RBFOX1: variants seen among roughly 807,000 people sequenced by gnomAD.
The protein encoded by RBFOX1 is RNA binding fox-1 homolog 1.
RBFOX1 carries 8 observed loss-of-function variants against 57.7 expected under a neutral mutation model. That is an observed-to-expected ratio of 0.14 (90% confidence interval 0.08 to 0.25). The LOEUF is 0.25. Ranked by LOEUF, RBFOX1 falls within the 10% of genes least tolerant of loss-of-function variation. The pLI is 1.00. For synonymous variants in RBFOX1, 326 were observed against 222.4 expected (o/e 1.47, Z -4.15); for missense variants, 611 against 548.5 (o/e 1.11, Z -1.14).
At chr16:6,508,810 G>A (rs1438267453) in intron 2 of RBFOX1, among the ~76,000 whole-genome samples, 1 of 150,838 alleles carries the variant, frequency 6.6e-6, no homozygotes, top group East Asian at 2.0e-4. Context: ...ATATTAGGTT[G>A]ATACAAAAGT....
chr16:6,733,569 G>A (rs966658931), intron 3 of RBFOX1, among the ~76,000 whole-genome samples: 1 of 152,166 alleles, frequency 6.6e-6, no homozygotes, highest in Admixed American at 6.5e-5. Context: ...AATAATGGTT[G>A]TAGCCTGCAG....
chr16:6,408,283 A>G (rs2093352657), intron 2 of RBFOX1, among the ~76,000 whole-genome samples: 1 of 152,162 alleles, frequency 6.6e-6, no homozygotes, highest in Non-Finnish European at 1.5e-5. Flanking sequence ...AGCTTAATAA[A>G]AAGTTAAAAA....
intron 2 of RBFOX1, among the ~76,000 whole-genome samples, chr16:5,500,185 C>CT (rs1238510302): frequency 3.2e-5 from 4 of 126,002 alleles, no homozygotes; most frequent in African/African-American, 1.7e-4. Flanking sequence ...CCCTCCCTCC[C>CT]TCCCTCCCTT....
intron 4 of RBFOX1, among the ~76,000 whole-genome samples, chr16:7,092,099 A>G (rs1299992707): frequency 2.6e-5 from 4 of 152,248 alleles, no homozygotes; most frequent in African/African-American, 7.2e-5. Flanking sequence ...ACTCTTAAAG[A>G]TATTTAAAGA....
At chr16:7,035,494 C>T (rs933115246) in intron 3 of RBFOX1, among the ~76,000 whole-genome samples, 7 of 152,158 alleles carry the variant, frequency 4.6e-5, no homozygotes, top group East Asian at 1.9e-4. Context: ...TATTTCAGAG[C>T]GCATTTGCAG....
At chr16:6,929,892 T>C (rs568616254) in intron 3 of RBFOX1, among the ~76,000 whole-genome samples, 3 of 152,312 alleles carry the variant, frequency 2.0e-5, no homozygotes, top group Admixed American at 6.5e-5. Context: ...TTAGCCCTTA[T>C]GGAGGACAGA....
intron 1 of RBFOX1, among the ~76,000 whole-genome samples, chr16:6,198,523 G>T (rs1209107247): frequency 1.3e-5 from 2 of 152,170 alleles, no homozygotes; most frequent in Non-Finnish European, 2.9e-5. Flanking sequence ...GGAACTGTGT[G>T]ACCTTGAGCA....
chr16:7,032,230 G>A (rs1484740280), intron 3 of RBFOX1, among the ~76,000 whole-genome samples: 1 of 152,042 alleles, frequency 6.6e-6, no homozygotes, highest in African/African-American at 2.4e-5. Flanking sequence ...TTCGAGACCA[G>A]ACTGACCAAC....
At chr16:7,343,617 A>G (rs988768232) in intron 4 of RBFOX1, among the ~76,000 whole-genome samples, 2 of 152,192 alleles carry the variant, frequency 1.3e-5, no homozygotes, top group Non-Finnish European at 2.9e-5. Flanking sequence ...GGCATTTACT[A>G]TATATGAGGC....
intron 1 of RBFOX1, among the ~76,000 whole-genome samples, chr16:6,224,531 A>G (rs902238573): frequency 4.1e-4 from 63 of 152,136 alleles, no homozygotes; most frequent in African/African-American, 1.5e-3. Context: ...ATGTGAGAAC[A>G]AAAAAGCCCT....
chr16:6,002,094 C>T (rs1214862316), intron 4 of RBFOX1, among the ~76,000 whole-genome samples: 1 of 151,862 alleles, frequency 6.6e-6, no homozygotes, highest in Non-Finnish European at 1.5e-5. Context: ...TCTTCAGCCT[C>T]CCCAGTAGCT....
rs1005476388 is a variant in RBFOX1 at position 6,983,509 on chromosome 16, G to T, written c.-15-68548G>T. Reference sequence around the variant, plus strand: ...AGGAAGCGCTTACTTCAGCTTATAAGAGCAATGTAAGCAATTTTGCATTGC... The same window carrying T: ...AGGAAGCGCTTACTTCAGCTTATAATAGCAATGTAAGCAATTTTGCATTGC... On this transcript the variant is annotated intron_variant, in intron 3 of 15. Coordinates refer to ENST00000550418, the MANE Select transcript of RBFOX1 (RefSeq NM_018723.4). The T allele has an allele frequency of 9.9e-5, 15 of 151,384 alleles. 1 individual carries two copies. Among genetic ancestry groups the T allele is most frequent in the African/African-American group, 3.7e-4 (15 of 41,078 alleles). 9.4% of individuals were successfully genotyped at this position (151,384 alleles called of 1,614,324 possible). A position where few individuals can be genotyped will look rare whatever the true frequency, so the allele number is the denominator to read the frequency against.
At chr16:5,485,343 G>C (rs11076916) in intron 2 of RBFOX1, among the ~76,000 whole-genome samples, 89,757 of 115,168 alleles carry the variant, frequency 0.78, 34,359 homozygotes, top group Middle Eastern at 0.86. Context: ...CAGACTCCGT[G>C]TCAAAAAAAA....
chr16:7,463,307 C>A (rs1436323960), intron 4 of RBFOX1, among the ~76,000 whole-genome samples: 1 of 152,010 alleles, frequency 6.6e-6, no homozygotes, highest in African/African-American at 2.4e-5. Context: ...AGTTCAAGAC[C>A]AGCATGGGCA....
rs145559106 is a variant in RBFOX1 at position 5,361,028 on chromosome 16, A to G, written c.220-106188A>G. ...TGCAGGGAGAGACAATGTCAACTCT[A>G]CAAATGCTAATAGACAACACAGAGT... is the stretch of plus-strand genomic sequence containing the variant. On this transcript the variant is annotated intron_variant, in intron 1 of 2. Coordinates refer to the RBFOX1 transcript ENST00000585867. Among the ~76,000 whole-genome samples the G allele has an allele frequency of 2.4e-3, 363 of 152,348 alleles. 1 individual carries two copies. The highest frequency in any genetic ancestry group is 8.3e-3 in the African/African-American group (347 of 41,586).
Position 6,075,944 on chromosome 16 carries a change from T to C in RBFOX1, c.-127+55952T>C, listed in dbSNP as rs543085261. On this transcript the variant is annotated intron_variant, in intron 1 of 15. Transcript: ENST00000550418. ...TAATGAGGCAGGTACATTTGATTAT[T>C]AGTCCCATTTTACAGTAGATGAAAC... Among the ~76,000 whole-genome samples the C allele has an allele frequency of 2.6e-5, 4 of 152,326 alleles. No homozygotes were observed. The East Asian group carries it at 5.8e-4, about 22-fold the overall frequency.
intron 3 of RBFOX1, among the ~76,000 whole-genome samples, chr16:6,711,485 G>C (rs1403732243): frequency 2.0e-5 from 3 of 152,120 alleles, no homozygotes; most frequent in African/African-American, 7.2e-5. Context: ...GGAGGTGACT[G>C]GGTCATGCTG....
chr16:6,759,029 T>G (rs2076215631), intron 3 of RBFOX1, among the ~76,000 whole-genome samples: 1 of 152,182 alleles, frequency 6.6e-6, no homozygotes, highest in African/African-American at 2.4e-5. Context: ...GTCACAAGAA[T>G]AGGTTACCTC....
At chr16:6,957,852 C>T (rs538702313) in intron 3 of RBFOX1, among the ~76,000 whole-genome samples, 111 of 152,172 alleles carry the variant, frequency 7.3e-4, no homozygotes, top group Non-Finnish European at 1.2e-3. Context: ...TGGACTTCCT[C>T]CTAGCGTGAC....
Sources: allele counts gnomAD v4.1 joint callset (sites outside exome capture counted in the v4.1 genomes callset), GRCh38; gene constraint gnomAD v4.1.1; transcripts MANE v1.5; gene names NCBI Gene and HGNC (gene_info 2026-07-23, HGNC 2026-07-21).